Variants in DCDC1 observed in about 807,000 individuals in gnomAD.
DCDC1 encodes doublecortin domain containing 1.
DCDC1 carries 200 observed loss-of-function variants against 178.3 expected under a neutral mutation model. The ratio of observed to expected loss-of-function variants is 1.12; its 90% confidence interval spans 1.00 to 1.26. DCDC1 has a LOEUF of 1.26. Among genes scored for constraint, DCDC1 ranks in the 50% most tolerant of loss-of-function variants. DCDC1 has a pLI of 0.00. For synonymous variants in DCDC1, 690 were observed against 604.8 expected (o/e 1.14, Z -2.07); for missense variants, 1,983 against 1,749.2 (o/e 1.13, Z -2.38).
At chr11:31,017,996 G>A (rs1002344200) in intron 20 of DCDC1, among the ~76,000 whole-genome samples, 3 of 152,170 alleles carry the variant, frequency 2.0e-5, no homozygotes, top group Middle Eastern at 3.4e-3. Context: ...TGATACAGAA[G>A]TTCTAAGATC....
chr11:30,991,724 C>T (rs1161060084), intron 20 of DCDC1, among the ~76,000 whole-genome samples: 1 of 151,976 alleles, frequency 6.6e-6, no homozygotes, highest in African/African-American at 2.4e-5. Context: ...AGGCATAACA[C>T]CAAAATAAGT....
At chr11:31,163,560 T>G (rs1966507146) in intron 9 of DCDC1, among the ~76,000 whole-genome samples, 1 of 152,200 alleles carries the variant, frequency 6.6e-6, no homozygotes, top group African/African-American at 2.4e-5. Flanking sequence ...GCTACATACT[T>G]ATGAAAATTT....
intron 9 of DCDC1, among the ~76,000 whole-genome samples, chr11:31,234,316 T>C (rs1976186906): frequency 6.6e-6 from 1 of 152,184 alleles, no homozygotes; most frequent in Non-Finnish European, 1.5e-5. Flanking sequence ...TTGCAACATA[T>C]ATAAAATAAG....
chr11:31,192,107 C>T (rs1434860037), intron 9 of DCDC1, among the ~76,000 whole-genome samples: 1 of 151,964 alleles, frequency 6.6e-6, no homozygotes, highest in Non-Finnish European at 1.5e-5. Context: ...TGTGGCTCAC[C>T]AAAATCTCTC....
intron 9 of DCDC1, among the ~76,000 whole-genome samples, chr11:31,182,004 C>A (rs1328130167): frequency 1.3e-5 from 2 of 151,906 alleles, no homozygotes; most frequent in African/African-American, 4.8e-5. Flanking sequence ...CATTGAAGAT[C>A]AACTTAATGA....
intron 1 of DCDC1, among the ~76,000 whole-genome samples, chr11:31,368,446 A>T (rs1952081208): frequency 6.6e-6 from 1 of 152,146 alleles, no homozygotes; most frequent in Non-Finnish European, 1.5e-5. Context: ...CATTCACCAC[A>T]CTACTTAATT....
chr11:31,369,658 G>A (rs1952175175), intron 1 of DCDC1, 39 bp downstream of exon 1: 1 of 152,704 alleles, frequency 6.5e-6, no homozygotes, highest in Non-Finnish European at 1.5e-5. Flanking sequence ...GACTTAGAGC[G>A]AAGCCAAAGG....
intron 17 of DCDC1, among the ~76,000 whole-genome samples, chr11:31,086,311 T>C (rs1185296342): frequency 6.6e-6 from 1 of 152,202 alleles, no homozygotes; most frequent in African/African-American, 2.4e-5. Flanking sequence ...TGATGCTTCA[T>C]TGTAGGTTTA....
intron 17 of DCDC1, among the ~76,000 whole-genome samples, chr11:31,084,898 ACT>A (rs771531387): frequency 5.4e-5 from 8 of 148,144 alleles, no homozygotes; most frequent in Non-Finnish European, 9.0e-5. Flanking sequence ...GTCTTAGCCC[ACT>A]GAGGTAATGG....
intron 20 of DCDC1, among the ~76,000 whole-genome samples, chr11:31,009,890 C>T (rs548812160): frequency 6.6e-6 from 1 of 152,178 alleles, no homozygotes; most frequent in Non-Finnish European, 1.5e-5. Flanking sequence ...ACCTTCTTCA[C>T]AAGGCGGCAG....
At chr11:30,885,313 A>T (rs1168002298) in intron 36 of DCDC1, among the ~76,000 whole-genome samples, 7 of 151,904 alleles carry the variant, frequency 4.6e-5, no homozygotes, top group Admixed American at 3.9e-4. Context: ...GTGAATCTTT[A>T]TATGACCTCA....
At chr11:30,960,808 A>G (rs1949050166) in intron 20 of DCDC1, among the ~76,000 whole-genome samples, 1 of 152,162 alleles carries the variant, frequency 6.6e-6, no homozygotes. Context: ...AAGGCAGCCA[A>G]ATAAGCTTCA....
chr11:31,239,933 C>T (rs1976915394), intron 9 of DCDC1, among the ~76,000 whole-genome samples: 1 of 151,480 alleles, frequency 6.6e-6, no homozygotes, highest in African/African-American at 2.4e-5. Flanking sequence ...ATGTTTAAGA[C>T]AGTGGAAGAA....
chr11:31,301,082 AC>A (rs1036929643), intron 6 of DCDC1, among the ~76,000 whole-genome samples: 1 of 152,190 alleles, frequency 6.6e-6, no homozygotes, highest in Non-Finnish European at 1.5e-5. Flanking sequence ...CAGATTTAAA[AC>A]TTTGGAATAG....
At chr11:31,243,131 A>G (rs1977382919) in intron 8 of DCDC1, among the ~76,000 whole-genome samples, 1 of 149,948 alleles carries the variant, frequency 6.7e-6, no homozygotes, top group Non-Finnish European at 1.5e-5. Flanking sequence ...AAAAAAATAT[A>G]AGATCATAAA....
At chr11:31,023,549 A>C (rs1474566844) in intron 20 of DCDC1, among the ~76,000 whole-genome samples, 1 of 152,076 alleles carries the variant, frequency 6.6e-6, no homozygotes, top group Non-Finnish European at 1.5e-5. Context: ...AAAGAGGAAA[A>C]CAAATAGCCT....
intron 3 of DCDC1, among the ~76,000 whole-genome samples, chr11:31,323,556 A>G (rs1949486888): frequency 6.6e-6 from 1 of 152,040 alleles, no homozygotes; most frequent in African/African-American, 2.4e-5. Context: ...ACAAGCATAT[A>G]TTTCTTGCTT....
intron 9 of DCDC1, among the ~76,000 whole-genome samples, chr11:31,209,528 A>G (rs1972256471): frequency 6.6e-6 from 1 of 152,212 alleles, no homozygotes; most frequent in Non-Finnish European, 1.5e-5. Flanking sequence ...AATTAACTGT[A>G]TTTTGAAAAT....
chr11:31,091,335 C>T (rs1403136862), intron 17 of DCDC1, 58 bp downstream of exon 17: 10 of 688,886 alleles, frequency 1.5e-5, no homozygotes, highest in Non-Finnish European at 2.7e-5. Context: ...AATTGAACTG[C>T]TCAGAATTCT....
Sources: gnomAD v4.1 joint callset for allele counts (sites outside exome capture counted in the v4.1 genomes callset) on GRCh38, gnomAD v4.1.1 for gene constraint, MANE v1.5 for transcripts, NCBI Gene and HGNC (gene_info 2026-07-23, HGNC 2026-07-21) for gene names.